COL4A5: variants seen among roughly 807,000 people sequenced by gnomAD.
The protein encoded by COL4A5 is collagen alpha-5(IV) chain.
In COL4A5, 26 loss-of-function variants were observed where a neutral mutation model predicts 130.2. The ratio of observed to expected loss-of-function variants is 0.20; its 90% CI spans 0.15 to 0.28. The LOEUF (loss-of-function observed/expected upper bound fraction) is 0.28, where lower values mean the gene tolerates loss of function less well. COL4A5 is among the 10% of genes least tolerant of loss of function. The pLI is 1.00. For missense variants in COL4A5, 1,131 were observed against 1,344.3 expected (o/e 0.84, Z 2.48); for synonymous variants, 496 against 439.6 (o/e 1.13, Z -1.60).
intron 1 of COL4A5, among the ~76,000 whole-genome samples, chrX:108,504,055 T>C (rs973760198): frequency 1.4e-4 from 15 of 110,977 alleles, no homozygotes; most frequent in African/African-American, 4.9e-4. Context: ...ACATAACAAA[T>C]TGAAAAGAAT....
chrX:108,578,009 T>A, intron 11 of COL4A5, 22 bp downstream of exon 11: 1 of 1,203,809 alleles, frequency 8.3e-7, no homozygotes, highest in Non-Finnish European at 1.1e-6. Flanking sequence ...TTTCTTTATA[T>A]CTTTTATTTG....
chrX:108,534,654 G>T (rs901697066), intron 1 of COL4A5, among the ~76,000 whole-genome samples: 1 of 111,170 alleles, frequency 9.0e-6, no homozygotes, highest in African/African-American at 3.3e-5. Context: ...TCATTCCGTG[G>T]TCTTCTGGCT....
chrX:108,663,993 T>A (rs2068020775), intron 37 of COL4A5, among the ~76,000 whole-genome samples: 1 of 111,664 alleles, frequency 9.0e-6, no homozygotes, highest in African/African-American at 3.3e-5. Context: ...GAGACTGGCC[T>A]GGCCAATATG....
At chrX:108,534,013 T>C (rs1421507947) in intron 1 of COL4A5, among the ~76,000 whole-genome samples, 1 of 110,400 alleles carries the variant, frequency 9.1e-6, no homozygotes, top group Non-Finnish European at 1.9e-5. Flanking sequence ...CCAGTCAAAA[T>C]GGCTATTAAT....
At chrX:108,468,350 T>C (rs1297939999) in intron 1 of COL4A5, among the ~76,000 whole-genome samples, 1 of 112,285 alleles carries the variant, frequency 8.9e-6, no homozygotes, top group East Asian at 2.8e-4. Context: ...TTGTCTTTTA[T>C]GTCTTTTTCT....
chrX:108,547,304 T>C (rs942717742), intron 2 of COL4A5, among the ~76,000 whole-genome samples: 5 of 112,336 alleles, frequency 4.5e-5, no homozygotes, highest in Non-Finnish European at 7.5e-5. Flanking sequence ...ATGTCCTTTC[T>C]GTTTGTTAGT....
intron 2 of COL4A5, among the ~76,000 whole-genome samples, chrX:108,551,467 C>G (rs1019918313): frequency 9.0e-6 from 1 of 111,379 alleles, no homozygotes; most frequent in African/African-American, 3.3e-5. Context: ...CCATTGTCTC[C>G]GTTAAAATGG....
intron 36 of COL4A5, among the ~76,000 whole-genome samples, chrX:108,648,195 T>C (rs2067648071): frequency 9.0e-6 from 1 of 110,837 alleles, no homozygotes; most frequent in African/African-American, 3.3e-5. Context: ...CCCTCCCATC[T>C]TAAATCAGGA....
chrX:108,689,280 A>G (rs1012882139), intron 49 of COL4A5: 2 of 688,364 alleles, frequency 2.9e-6, no homozygotes, highest in Non-Finnish European at 3.5e-6. Context: ...TCTTTCTCCT[A>G]TAAATTTCTT....
rs2065159451 is a variant in COL4A5 at position 108,509,356 on chromosome X, T to A, written c.82-30390T>A. ...TAGGCTTAATATCTGCGTAATTAAA[T>A]AATTTGTACAACAAACCCCCATGGC... On this transcript the variant is annotated intron_variant, in intron 1 of 52. Transcript: ENST00000328300. 2.7e-5 allele frequency among the ~76,000 whole-genome samples: 3 copies of A among 111,807 alleles called. No individual in the cohort carries two copies. In the South Asian group the frequency reaches 1.1e-3, roughly 42 times the overall value.
intron 1 of COL4A5, among the ~76,000 whole-genome samples, chrX:108,473,191 T>C (rs888490662): frequency 8.9e-6 from 1 of 111,929 alleles, no homozygotes; most frequent in Non-Finnish European, 1.9e-5. Context: ...TAGTATGTAA[T>C]ATAATAAGTC....
intron 19 of COL4A5, 78 bp from the exon 20 acceptor site, chrX:108,590,980 T>C: frequency 1.1e-6 from 1 of 909,168 alleles, no homozygotes; most frequent in Non-Finnish European, 1.6e-6. Context: ...GAAGATCTTA[T>C]CATTATCTAA....
chrX:108,639,205 T>C (rs1037991018), intron 36 of COL4A5, among the ~76,000 whole-genome samples: 1 of 110,883 alleles, frequency 9.0e-6, no homozygotes, highest in Non-Finnish European at 1.9e-5. Context: ...AGACAGCAAA[T>C]AGACCAATGT....
intron 1 of COL4A5, among the ~76,000 whole-genome samples, chrX:108,511,613 C>G (rs1292436123): frequency 9.0e-6 from 1 of 111,578 alleles, no homozygotes; most frequent in Non-Finnish European, 1.9e-5. Context: ...TAAGGATAGA[C>G]ATAAATCAAT....
intron 1 of COL4A5, among the ~76,000 whole-genome samples, chrX:108,476,243 ATTTAT>A (rs1211797521): frequency 3.6e-5 from 4 of 111,393 alleles, no homozygotes; most frequent in Non-Finnish European, 7.5e-5. Flanking sequence ...ACCTTGATTT[ATTTAT>A]TTTAAATTTT....
chrX:108,514,209 C>T (rs4829437), intron 1 of COL4A5, among the ~76,000 whole-genome samples: 1 of 111,212 alleles, frequency 9.0e-6, no homozygotes, highest in Non-Finnish European at 1.9e-5. Flanking sequence ...TAAAGAAAAG[C>T]AAGCTTTTAA....
At chrX:108,609,934 C>T (rs1440507693) in intron 29 of COL4A5, among the ~76,000 whole-genome samples, 2 of 107,455 alleles carry the variant, frequency 1.9e-5, no homozygotes, top group East Asian at 5.8e-4. Context: ...TAGTAAGACT[C>T]GAAGTCAGGT....
rs752269741 is a variant in COL4A5 at position 108,440,218 on chromosome X, C to T, written c.81+12C>T. The T allele has an allele frequency of 4.4e-6, 5 of 1,139,803 alleles. No individual in the cohort carries two copies. The African/African-American group carries it at 5.5e-5, about 12-fold the overall frequency. The allele number at this position is 1,139,803 out of a possible 1,213,427, so 93.9% of individuals were successfully genotyped here. ...CTGCAGAGGCTGCGGTAAGTCCTTC[C>T]TCCCCTCCCCCGCGCCCATCACCGC... On this transcript the variant is annotated intron_variant, in intron 1 of 52. Transcript: ENST00000328300.
chrX:108,680,657 A>G, intron 44 of COL4A5, 22 bp from the exon 45 acceptor site: 1 of 1,196,045 alleles, frequency 8.4e-7, no homozygotes, highest in South Asian at 1.8e-5. Flanking sequence ...TTTTTGTAAC[A>G]TTAATGATTT....
Sources: allele counts gnomAD v4.1 joint callset (sites outside exome capture counted in the v4.1 genomes callset), GRCh38; gene constraint gnomAD v4.1.1; transcripts MANE v1.5; gene names NCBI Gene and HGNC (gene_info 2026-07-23, HGNC 2026-07-21).